The following CEP57 variants were observed in gnomAD, a reference collection of about 807,000 sequenced individuals.
CEP57 encodes centrosomal protein 57, also known as centrosomal protein of 57 kDa.
A neutral mutation model predicts 68.0 loss-of-function variants in CEP57; 40 were observed. The observed-to-expected ratio is 0.59, with a 90% CI of 0.46 to 0.77. The LOEUF is 0.77. CEP57 is among the 30% of genes least tolerant of loss of function. The pLI, the probability that CEP57 is intolerant of heterozygous loss-of-function variation, is 0.00. For synonymous variants in CEP57, 219 were observed against 198.7 expected (o/e 1.10, Z -0.86); for missense variants, 606 against 580.7 (o/e 1.04, Z -0.45).
intron 2 of CEP57, among the ~76,000 whole-genome samples, chr11:95,801,276 T>G (rs192276131): frequency 2.0e-3 from 305 of 152,266 alleles, no homozygotes; most frequent in African/African-American, 6.9e-3. Flanking sequence ...TTTAGTACTC[T>G]GTAATCACTA....
At chr11:95,818,240 C>T (rs1311475668) in intron 5 of CEP57, among the ~76,000 whole-genome samples, 3 of 151,518 alleles carry the variant, frequency 2.0e-5, no homozygotes, top group African/African-American at 4.8e-5. Flanking sequence ...GGTGAAACCC[C>T]GTATCTACTA....
chr11:95,790,899 C>A (rs1257570040), intron 1 of CEP57, among the ~76,000 whole-genome samples, 156 bp downstream of exon 1: 1 of 152,208 alleles, frequency 6.6e-6, no homozygotes, highest in African/African-American at 2.4e-5. Flanking sequence ...CTTCCATTCA[C>A]TGTGGCTGTG....
At chr11:95,804,887 T>C (rs1485669676) in intron 2 of CEP57, among the ~76,000 whole-genome samples, 1 of 152,184 alleles carries the variant, frequency 6.6e-6, no homozygotes, top group Non-Finnish European at 1.5e-5. Context: ...TTTTCAATCA[T>C]GTGTTTTCTA....
At chr11:95,791,167 G>A (rs879009682) in intron 1 of CEP57, among the ~76,000 whole-genome samples, 1 of 152,148 alleles carries the variant, frequency 6.6e-6, no homozygotes, top group Non-Finnish European at 1.5e-5. Context: ...GTAGTCCGCC[G>A]TCTCTCGAGC....
chr11:95,794,976 G>T (rs1389681809), intron 1 of CEP57, among the ~76,000 whole-genome samples: 2 of 152,114 alleles, frequency 1.3e-5, no homozygotes, highest in African/African-American at 4.8e-5. Context: ...ATATGTGTAT[G>T]GGTGTGTTAC....
intron 1 of CEP57, among the ~76,000 whole-genome samples, chr11:95,792,284 C>A (rs536933848): frequency 6.6e-6 from 1 of 152,252 alleles, no homozygotes; most frequent in South Asian, 2.1e-4. Flanking sequence ...GAGGGCTTTT[C>A]ACGGCTCTCA....
At chr11:95,793,397 G>C (rs111888425) in intron 1 of CEP57, among the ~76,000 whole-genome samples, 2 of 49,196 alleles carry the variant, frequency 4.1e-5, no homozygotes, top group South Asian at 1.4e-3. Context: ...CTAATCTCTT[G>C]ATTTGTCCCT....
At chr11:95,809,130 A>G (rs551443008) in intron 2 of CEP57, among the ~76,000 whole-genome samples, 21 of 152,370 alleles carry the variant, frequency 1.4e-4, no homozygotes, top group African/African-American at 4.8e-4. Flanking sequence ...TGAAGGCAGA[A>G]ATAAAGATGT....
At chr11:95,821,742 T>C (rs1862524243) in intron 6 of CEP57, 129 bp from the exon 7 acceptor site, 15 of 680,438 alleles carry the variant, frequency 2.2e-5, no homozygotes, top group South Asian at 1.8e-4. Context: ...GACATAGTTA[T>C]ACAGCTGTAA....
At chr11:95,828,662 CTT>C (rs1404062913) in intron 9 of CEP57, among the ~76,000 whole-genome samples, 6 of 152,128 alleles carry the variant, frequency 3.9e-5, no homozygotes, top group Admixed American at 6.5e-5. Context: ...ATACAATACT[CTT>C]TTGGGGAAAA....
Position 95,817,881 on chromosome 11 carries a change from C to G in CEP57, c.599C>G (p.Thr200Ser), listed in dbSNP as rs757212650. 3 of 1,611,968 alleles carry G rather than the reference C, an allele frequency of 1.9e-6. No individual in the cohort carries two copies. Among genetic ancestry groups the G allele is most frequent in the Middle Eastern group, 1.7e-4 (1 of 6,052 alleles). Residue 200 changes from threonine (T) to serine (S), a missense_variant, in exon 5 of 11, where the codon ACC (threonine) becomes AGC (serine). Physicochemically the swap from Thr to Ser is moderately conservative, Grantham distance 58 (BLOSUM62 1). Coordinates refer to ENST00000325542, the MANE Select transcript of CEP57 (RefSeq NM_014679.5). ...CTTGAACAGGAGTATAACAAACTTA[C>G]CACAATGCAGGCCCTTGCAGAAGTC... is the stretch of plus-strand genomic sequence containing the variant. Reference protein sequence around the residue: ...DLLEQEYNKLTTMQALAEKKM... With the variant: ...DLLEQEYNKLSTMQALAEKKM...
intron 6 of CEP57, among the ~76,000 whole-genome samples, chr11:95,820,345 A>G (rs901803962): frequency 2.0e-5 from 3 of 152,074 alleles, no homozygotes; most frequent in Non-Finnish European, 4.4e-5. Flanking sequence ...CTGGATTTTT[A>G]TCATTGTTAA....
intron 1 of CEP57, among the ~76,000 whole-genome samples, chr11:95,792,669 C>T (rs765481164): frequency 2.6e-5 from 4 of 152,104 alleles, no homozygotes; most frequent in Non-Finnish European, 5.9e-5. Flanking sequence ...TTCTAAATAT[C>T]AAGGGTACAC....
chr11:95,798,920 T>G lies in CEP57; in HGVS notation c.46-312T>G, dbSNP rs114999553. ...AATAATGTTTTTATTTTTCTGAACGTATATTTCACAGTATATATTTTTAAC... is the reference window on the plus strand; with the variant it reads ...AATAATGTTTTTATTTTTCTGAACGGATATTTCACAGTATATATTTTTAAC... On this transcript the variant is annotated intron_variant, in intron 1 of 10. Coordinates refer to ENST00000325542, the MANE Select transcript of CEP57 (RefSeq NM_014679.5). Among the ~76,000 whole-genome samples, 440 of 152,342 alleles carry G rather than the reference T, an allele frequency of 2.9e-3. 4 individuals are homozygous for G. The highest frequency in any genetic ancestry group is 0.01 in the African/African-American group (422 of 41,578).
chr11:95,825,661 A>G (rs1337189185), intron 8 of CEP57: 1 of 145,728 alleles, frequency 6.9e-6, no homozygotes, highest in African/African-American at 2.6e-5. Context: ...CAGTGGCACG[A>G]TCTCAGCTCA....
At chr11:95,799,202 T>G in intron 1 of CEP57, 30 bp from the exon 2 acceptor site, 1 of 1,613,044 alleles carries the variant, frequency 6.2e-7, no homozygotes, top group East Asian at 2.2e-5. Flanking sequence ...TTCACACTTT[T>G]GAAAGGTAAT....
chr11:95,798,406 G>T (rs1352590122), intron 1 of CEP57, among the ~76,000 whole-genome samples: 1 of 152,142 alleles, frequency 6.6e-6, no homozygotes, highest in Non-Finnish European at 1.5e-5. Context: ...TATGAACACG[G>T]ATTATTCTGG....
chr11:95,826,938 T>C (rs950545248), intron 8 of CEP57: 10 of 152,226 alleles, frequency 6.6e-5, no homozygotes, highest in African/African-American at 1.9e-4. Flanking sequence ...GGAAAGCATA[T>C]GTTTAGCTTA....
chr11:95,817,809 A>G lies in CEP57; in HGVS notation c.527A>G (p.Gln176Arg), dbSNP rs776998392. The change falls in exon 5 of 11, where the codon CAA (glutamine) becomes CGA (arginine). Residue 176 changes from glutamine (Q) to arginine (R), a missense_variant. By Grantham distance (43) the Gln-to-Arg change is conservative. Transcript: ENST00000325542. ...EKQVSLERER[Q>R]HDQTHVQSQL... is the part of the protein sequence containing the mutation. The stretch of plus-strand genomic sequence containing the variant: ...CAGGTTTCCCTAGAAAGAGAACGAC[A>G]ACATGATCAAACACATGTTCAGAGC... The G allele has an allele frequency of 5.6e-6, 9 of 1,613,716 alleles. No individual in the cohort carries two copies. The South Asian group carries it at 8.8e-5, about 16-fold the overall frequency.
Sources: allele counts gnomAD v4.1 joint callset (sites outside exome capture counted in the v4.1 genomes callset), GRCh38; gene constraint gnomAD v4.1.1; transcripts MANE v1.5; gene names NCBI Gene and HGNC (gene_info 2026-07-23, HGNC 2026-07-21).